PRELID2: variants seen among roughly 807,000 people sequenced by gnomAD.
The protein encoded by PRELID2 is PRELI domain containing 2.
A neutral mutation model predicts 28.4 loss-of-function variants in PRELID2; 25 were observed. The observed-to-expected ratio is 0.88, with a 90% CI of 0.64 to 1.23. PRELID2 has a LOEUF of 1.23. PRELID2 is among the 50% of genes most tolerant of loss of function. The pLI is 0.00. For synonymous variants in PRELID2, 76 were observed against 71.6 expected (o/e 1.06, Z -0.31); for missense variants, 201 against 214.4 (o/e 0.94, Z 0.39).
chr5:145,674,448 T>G (rs532657561), intron 1 of PRELID2, among the ~76,000 whole-genome samples: 1 of 152,276 alleles, frequency 6.6e-6, no homozygotes, highest in South Asian at 2.1e-4. Context: ...TGATCACATA[T>G]GAAAATTTAG....
intron 4 of PRELID2, among the ~76,000 whole-genome samples, chr5:145,816,619 A>G (rs1277429141): frequency 6.6e-6 from 1 of 152,166 alleles, no homozygotes; most frequent in Non-Finnish European, 1.5e-5. Flanking sequence ...TACATGAGGT[A>G]GGGATCTAAA....
intron 1 of PRELID2, among the ~76,000 whole-genome samples, chr5:145,672,285 G>A (rs1176003103): frequency 2.0e-5 from 3 of 152,100 alleles, no homozygotes; most frequent in African/African-American, 7.2e-5. Context: ...GTTAAAGAGA[G>A]GATTCAGAAT....
chr5:145,674,537 G>T (rs1428297269), intron 1 of PRELID2, among the ~76,000 whole-genome samples: 5 of 152,154 alleles, frequency 3.3e-5, no homozygotes, highest in Non-Finnish European at 7.4e-5. Flanking sequence ...GGGAAAAGAT[G>T]AATGTTTTAA....
chr5:145,275,214 G>C, the PRELID2 span, among the ~76,000 whole-genome samples: 12 of 152,096 alleles, frequency 7.9e-5, no homozygotes, highest in Non-Finnish European at 1.5e-4. Context: ...CTTACTCTGT[G>C]CAGGGCATTG....
At chr5:145,417,274 A>G in the PRELID2 span, among the ~76,000 whole-genome samples, 221 of 152,246 alleles carry the variant, frequency 1.5e-3, no homozygotes, top group Non-Finnish European at 2.6e-3. Flanking sequence ...GGAACAAATA[A>G]AAGCCCAAGA....
intron 4 of PRELID2, among the ~76,000 whole-genome samples, chr5:145,812,546 T>C (rs1040894442): frequency 6.6e-6 from 1 of 152,218 alleles, no homozygotes; most frequent in Non-Finnish European, 1.5e-5. Context: ...GGATTAAATA[T>C]AGACACACAT....
the PRELID2 span, among the ~76,000 whole-genome samples, chr5:145,386,508 T>G: frequency 5.9e-3 from 898 of 152,190 alleles, 5 homozygotes; most frequent in Non-Finnish European, 0.01. Flanking sequence ...ATGTAAGACA[T>G]GCCCCTTCCC....
At chr5:145,402,998 A>C in the PRELID2 span, among the ~76,000 whole-genome samples, 82 of 152,184 alleles carry the variant, frequency 5.4e-4, 1 homozygote, top group Non-Finnish European at 1.0e-4. Context: ...CCTTGGGATT[A>C]GGTGGTAGAA....
At chr5:145,300,422 A>G in the PRELID2 span, among the ~76,000 whole-genome samples, 1 of 152,108 alleles carries the variant, frequency 6.6e-6, no homozygotes, top group Admixed American at 6.6e-5. Context: ...AAAGTTTAAG[A>G]ATGCTTTAAA....
chr5:145,429,313 G>T, the PRELID2 span, among the ~76,000 whole-genome samples: 1 of 152,164 alleles, frequency 6.6e-6, no homozygotes, highest in African/African-American at 2.4e-5. Flanking sequence ...ATTGGTCATG[G>T]GGTATGAGAG....
chr5:145,656,567 C>T (rs1459087278), intron 1 of PRELID2, among the ~76,000 whole-genome samples: 1 of 151,996 alleles, frequency 6.6e-6, no homozygotes, highest in Non-Finnish European at 1.5e-5. Context: ...GAATACTATG[C>T]AGCCATAAAA....
In PRELID2 at chr5:145,551,125, G is replaced by A. The variant is rs146362446; in HGVS notation, n.71-77810C>T. ...AGCCAAGAGAAATCTTAACCAATTT[G>A]CATAGGAACATGCAAACTAAGAGAA... On this transcript the variant is annotated intron_variant and non_coding_transcript_variant, in intron 1 of 2. Coordinates refer to the PRELID2 transcript ENST00000510259. Among the ~76,000 whole-genome samples the A allele has an allele frequency of 1.8e-4, 28 of 152,180 alleles. No individual in the cohort carries two copies. In the South Asian group the frequency reaches 4.8e-3, roughly 26 times the overall value.
rs36117637 is a variant in PRELID2 at position 145,697,033 on chromosome 5, TTATATATATATATATA to T, written n.70+67882_70+67897del. Among the ~76,000 whole-genome samples the T allele has an allele frequency of 5.5e-3, 279 of 50,656 alleles. 3 individuals carry two copies. The highest frequency in any genetic ancestry group is 0.05 in the Middle Eastern group (3 of 60). 33.2% of individuals were successfully genotyped at this position (50,656 alleles called of 152,430 possible). On this transcript the variant is annotated intron_variant and non_coding_transcript_variant, in intron 1 of 2. Transcript: ENST00000510259. Reference sequence around the variant, plus strand: ...AGTGGATGTAGGAAAGAGAGGAAAATTATATATATATATATATATATATATATATATATATATATAT... The same window carrying T: ...AGTGGATGTAGGAAAGAGAGGAAAATTATATATATATATATATATATATAT...
chr5:145,823,962 A>C (rs181342441), intron 1 of PRELID2, among the ~76,000 whole-genome samples: 1 of 152,330 alleles, frequency 6.6e-6, no homozygotes, highest in East Asian at 1.9e-4. Flanking sequence ...AATTTGCTCA[A>C]ATTGTCCAGC....
intron 1 of PRELID2, among the ~76,000 whole-genome samples, chr5:145,481,622 T>TAAAAAAAAAAAAAAAA: frequency 4.5e-4 from 1 of 2,234 alleles, no homozygotes; most frequent in Non-Finnish European, 7.5e-4. Context: ...AGCAAGGAAA[T>TAAAAAAAAAAAAAAAA]CAAAAAAAAA....
the PRELID2 span, among the ~76,000 whole-genome samples, chr5:145,235,499 C>T: frequency 2.0e-5 from 3 of 152,256 alleles, no homozygotes; most frequent in East Asian, 3.9e-4. Flanking sequence ...TGGGTGCTTT[C>T]CTTGCAACAA....
At chr5:145,336,414 G>A in the PRELID2 span, among the ~76,000 whole-genome samples, 4 of 151,336 alleles carry the variant, frequency 2.6e-5, no homozygotes, top group South Asian at 2.1e-4. Context: ...TAGGTCTAAC[G>A]TTTAAGTCTT....
intron 1 of PRELID2, among the ~76,000 whole-genome samples, chr5:145,726,489 C>A (rs920668420): frequency 6.6e-6 from 1 of 152,072 alleles, no homozygotes; most frequent in African/African-American, 2.4e-5. Flanking sequence ...TGCCTATTAG[C>A]AATTTAATTC....
At chr5:145,231,681 G>A in the PRELID2 span, among the ~76,000 whole-genome samples, 1 of 152,036 alleles carries the variant, frequency 6.6e-6, no homozygotes, top group East Asian at 1.9e-4. Context: ...ACTTATCTGA[G>A]CACGTTCAAC....
Sources: allele counts gnomAD v4.1 joint callset (sites outside exome capture counted in the v4.1 genomes callset), GRCh38; gene constraint gnomAD v4.1.1; transcripts MANE v1.5; gene names NCBI Gene and HGNC (gene_info 2026-07-23, HGNC 2026-07-21).